Variants in ARFGEF1 observed in about 807,000 individuals in gnomAD.
ARFGEF1 encodes the protein brefeldin A-inhibited guanine nucleotide-exchange protein 1.
ARFGEF1 carries 42 observed loss-of-function variants against 231.0 expected under a neutral mutation model. The ratio of observed to expected loss-of-function variants is 0.18; its 90% CI spans 0.14 to 0.24. The LOEUF is 0.24. Among genes scored for constraint, ARFGEF1 ranks in the 10% least tolerant of loss-of-function variants. ARFGEF1 has a pLI of 1.00. For synonymous variants in ARFGEF1, 710 were observed against 732.3 expected, an observed-to-expected ratio of 0.97 and a Z score of 0.49; for missense variants, 1,345 against 2,192.0, an observed-to-expected ratio of 0.61 and a Z score of 7.72.
chr8:67,175,119 T>G (rs890842473), downstream of ARFGEF1: 6 of 593,504 alleles, frequency 1.0e-5, no homozygotes, highest in South Asian at 1.2e-4. Flanking sequence ...AATATTAATT[T>G]CATATTCTTT....
intron 1 of ARFGEF1, among the ~76,000 whole-genome samples, chr8:67,337,433 T>C (rs2128937430): frequency 6.6e-6 from 1 of 152,176 alleles, no homozygotes; most frequent in Middle Eastern, 3.4e-3. Context: ...CCAAAATATA[T>C]TCCAAATGCA....
chr8:67,288,232 C>T (rs760284839), intron 6 of ARFGEF1, among the ~76,000 whole-genome samples, 167 bp from the exon 7 acceptor site: 6 of 151,772 alleles, frequency 4.0e-5, no homozygotes, highest in Non-Finnish European at 8.8e-5. Context: ...AAAATGTATA[C>T]CAAAACTTAA....
intron 1 of ARFGEF1, among the ~76,000 whole-genome samples, chr8:67,310,407 T>C (rs1490750456): frequency 1.3e-5 from 2 of 152,200 alleles, no homozygotes; most frequent in Non-Finnish European, 2.9e-5. Context: ...TGCTCAATAG[T>C]GCCCAGGCTG....
chr8:67,332,353 C>T (rs537462646), intron 1 of ARFGEF1, among the ~76,000 whole-genome samples: 10 of 152,062 alleles, frequency 6.6e-5, no homozygotes, highest in East Asian at 3.8e-4. Flanking sequence ...TAGTTTTAAA[C>T]GGTTAGGCAT....
At chr8:67,283,454 GTAA>G (rs1440860279) in intron 7 of ARFGEF1, among the ~76,000 whole-genome samples, 3 of 152,056 alleles carry the variant, frequency 2.0e-5, no homozygotes, top group Non-Finnish European at 4.4e-5. Context: ...TTATCAAACT[GTAA>G]GTACAATATA....
chr8:67,264,633 G>A (rs1412774438), intron 14 of ARFGEF1, among the ~76,000 whole-genome samples: 1 of 152,066 alleles, frequency 6.6e-6, no homozygotes, highest in Non-Finnish European at 1.5e-5. Context: ...GAGAGAAACA[G>A]GATAGACTGG....
At chr8:67,317,786 C>A in intron 1 of ARFGEF1, among the ~76,000 whole-genome samples, 1 of 151,222 alleles carries the variant, frequency 6.6e-6, no homozygotes, top group Non-Finnish European at 1.5e-5. Flanking sequence ...GTAGTCCCAG[C>A]TACTCGGGAG....
At chr8:67,315,818 A>G (rs1807286434) in intron 1 of ARFGEF1, among the ~76,000 whole-genome samples, 1 of 152,168 alleles carries the variant, frequency 6.6e-6, no homozygotes, top group Non-Finnish European at 1.5e-5. Flanking sequence ...TATGGGATAC[A>G]GCTAAAATTG....
Position 67,218,205 on chromosome 8 carries a change from A to T in ARFGEF1, c.4339-67T>A, listed in dbSNP as rs867397126. 726 of 154,982 alleles carry T rather than the reference A, an allele frequency of 4.7e-3. 4 individuals carry two copies. The highest frequency in any genetic ancestry group is 0.026 in the African/African-American group (410 of 15,984). The allele number at this position is 154,982 out of a possible 1,614,324, so 9.6% of individuals were successfully genotyped here. A position where few individuals can be genotyped will look rare whatever the true frequency, so the allele number is the denominator to read the frequency against. ...ACTACTATGATTAAAAAAAAAAAAA[A>T]AAATATATATATATATATATATATA... On this transcript the variant is annotated intron_variant, in intron 30 of 38. Coordinates refer to ENST00000262215, the MANE Select transcript of ARFGEF1 (RefSeq NM_006421.5).
At chr8:67,213,373 A>C (rs185106836) in intron 33 of ARFGEF1, among the ~76,000 whole-genome samples, 1 of 152,218 alleles carries the variant, frequency 6.6e-6, no homozygotes, top group Non-Finnish European at 1.5e-5. Context: ...GTTAGGGATA[A>C]GTGGGCATTG....
chr8:67,228,909 G>A (rs1031666066), intron 23 of ARFGEF1, among the ~76,000 whole-genome samples: 1 of 151,936 alleles, frequency 6.6e-6, no homozygotes, highest in African/African-American at 2.4e-5. Context: ...CTTTTTTAAA[G>A]TCTGCATTTT....
At position 67,343,497 on chromosome 8, in the gene ARFGEF1, C is replaced by T; in HGVS notation, c.-210G>A. ...AGGGCGTCGAGGTCCTCGCCGCCCC[C>T]AAGAAGCCGTACCTCGAGGGCCGCG... On this transcript the variant is annotated 5_prime_UTR_variant, in exon 1 of 39. Coordinates refer to ENST00000262215, the MANE Select transcript of ARFGEF1 (RefSeq NM_006421.5). The T allele has an allele frequency of 1.0e-5, 13 of 1,270,396 alleles. No homozygotes were observed. The highest frequency in any genetic ancestry group is 1.3e-5 in the Non-Finnish European group (13 of 1,004,428). 78.7% of individuals were successfully genotyped at this position (1,270,396 alleles called of 1,614,324 possible). A position where few individuals can be genotyped will look rare whatever the true frequency, so the allele number is the denominator to read the frequency against.
At chr8:67,204,503 C>A (rs1338911952) in intron 35 of ARFGEF1, among the ~76,000 whole-genome samples, 177 bp downstream of exon 35, 3 of 152,160 alleles carry the variant, frequency 2.0e-5, no homozygotes, top group Non-Finnish European at 4.4e-5. Context: ...TGCTGACCCT[C>A]CTCCCTGCTC....
At chr8:67,249,290 A>G (rs1247768438) in intron 19 of ARFGEF1, among the ~76,000 whole-genome samples, 3 of 150,536 alleles carry the variant, frequency 2.0e-5, no homozygotes, top group Non-Finnish European at 4.4e-5. Context: ...TGTAGCATAA[A>G]ACAGGCTTTG....
At chr8:67,261,524 G>A (rs1804619723) in intron 14 of ARFGEF1, among the ~76,000 whole-genome samples, 1 of 152,220 alleles carries the variant, frequency 6.6e-6, no homozygotes, top group African/African-American at 2.4e-5. Flanking sequence ...GAGATCTACT[G>A]CTTCAAAGAG....
chr8:67,253,329 G>T, intron 18 of ARFGEF1, 122 bp downstream of exon 18: 1 of 580,346 alleles, frequency 1.7e-6, no homozygotes, highest in Non-Finnish European at 2.7e-6. Flanking sequence ...TTCTGCTTCA[G>T]CCTCCCTGAG....
chr8:67,307,427 T>C (rs951738425), intron 1 of ARFGEF1, among the ~76,000 whole-genome samples: 4 of 152,190 alleles, frequency 2.6e-5, no homozygotes, highest in Non-Finnish European at 4.4e-5. Flanking sequence ...TAAGAAAAGC[T>C]GGTGACAACA....
downstream of ARFGEF1, among the ~76,000 whole-genome samples, chr8:67,195,226 G>GGGTGA: frequency 6.6e-6 from 1 of 151,994 alleles, no homozygotes; most frequent in South Asian, 2.1e-4. Flanking sequence ...GGGTGGGGTG[G>GGGTGA]GGTGAGTCTA....
At chr8:67,191,916 CTT>C (rs1416508486) in intron 5 of ARFGEF1, among the ~76,000 whole-genome samples, 2 of 152,022 alleles carry the variant, frequency 1.3e-5, no homozygotes, top group Non-Finnish European at 2.9e-5. Context: ...CACTTAGTGT[CTT>C]TTGATTTTAG....
Sources: allele counts gnomAD v4.1 joint callset (sites outside exome capture counted in the v4.1 genomes callset), GRCh38; gene constraint gnomAD v4.1.1; transcripts MANE v1.5; gene names NCBI Gene and HGNC (gene_info 2026-07-23, HGNC 2026-07-21).